MACROD2: variants seen among roughly 807,000 people sequenced by gnomAD.
The protein encoded by MACROD2 is ADP-ribose glycohydrolase MACROD2.
Under a neutral mutation model 70.4 loss-of-function variants are expected in MACROD2, and 36 were observed. The ratio of observed to expected loss-of-function variants is 0.51; its 90% CI spans 0.39 to 0.68. MACROD2 has a LOEUF of 0.68. Ranked by LOEUF, MACROD2 falls within the 30% of genes least tolerant of loss-of-function variation. MACROD2 has a pLI of 0.00. For missense variants in MACROD2, 496 were observed against 538.4 expected (o/e 0.92, Z 0.78); for synonymous variants, 172 against 178.8 (o/e 0.96, Z 0.30).
intron 6 of MACROD2, among the ~76,000 whole-genome samples, chr20:15,415,985 G>A (rs2046142613): frequency 6.6e-6 from 1 of 152,178 alleles, no homozygotes; most frequent in African/African-American, 2.4e-5. Context: ...GCCCGCTAGA[G>A]CATTTATTTA....
intron 5 of MACROD2, among the ~76,000 whole-genome samples, chr20:15,223,270 C>T (rs1016192675): frequency 6.6e-6 from 1 of 152,156 alleles, no homozygotes; most frequent in African/African-American, 2.4e-5. Context: ...TTGCTGTTTT[C>T]GTGGCTTTCC....
chr20:15,843,195 C>T (rs1357836453), intron 8 of MACROD2, among the ~76,000 whole-genome samples: 2 of 152,096 alleles, frequency 1.3e-5, no homozygotes, highest in African/African-American at 4.8e-5. Context: ...GCCAAGTGGC[C>T]TTGTTATTAT....
chr20:15,706,991 T>C (rs1254066339), intron 8 of MACROD2, among the ~76,000 whole-genome samples: 2 of 152,188 alleles, frequency 1.3e-5, no homozygotes, highest in Non-Finnish European at 2.9e-5. Flanking sequence ...TCTGGATAAA[T>C]ATTTCTTTGT....
chr20:15,995,623 T>TTGGG (rs1383881254), intron 15 of MACROD2, among the ~76,000 whole-genome samples: 4 of 146,676 alleles, frequency 2.7e-5, no homozygotes, highest in African/African-American at 1.0e-4. Flanking sequence ...GTGCTGGGAT[T>TTGGG]ACAGGCATGA....
intron 8 of MACROD2, among the ~76,000 whole-genome samples, chr20:15,520,584 CA>C (rs1189712681): frequency 6.6e-6 from 1 of 152,174 alleles, no homozygotes; most frequent in African/African-American, 2.4e-5. Context: ...CCTCTAGTAA[CA>C]AAGACCCCCA....
chr20:14,548,723 A>G (rs1407425471), intron 4 of MACROD2, among the ~76,000 whole-genome samples: 3 of 148,386 alleles, frequency 2.0e-5, no homozygotes, highest in African/African-American at 4.9e-5. Context: ...GTCTCAAAAA[A>G]AAAAAAAAAA....
At chr20:15,830,570 A>C (rs890591057) in intron 8 of MACROD2, among the ~76,000 whole-genome samples, 1 of 152,230 alleles carries the variant, frequency 6.6e-6, no homozygotes, top group Non-Finnish European at 1.5e-5. Context: ...GAAGTACCCA[A>C]AACTATGAAT....
chr20:15,721,003 G>T (rs187923601), intron 8 of MACROD2, among the ~76,000 whole-genome samples: 49 of 152,120 alleles, frequency 3.2e-4, no homozygotes, highest in Middle Eastern at 6.8e-3. Flanking sequence ...GATATTGGGG[G>T]GTTAATTAAT....
intron 4 of MACROD2, among the ~76,000 whole-genome samples, chr20:14,503,923 C>T (rs1221651379): frequency 6.6e-6 from 1 of 152,194 alleles, no homozygotes; most frequent in Non-Finnish European, 1.5e-5. Flanking sequence ...AATAATTCTA[C>T]ATCTCCATTA....
chr20:14,575,017 C>CAAAAAAAAAAAAAA (rs1195216470), intron 4 of MACROD2, among the ~76,000 whole-genome samples: 11 of 49,946 alleles, frequency 2.2e-4, no homozygotes, highest in African/African-American at 7.3e-4. Context: ...GACTCTGTCT[C>CAAAAAAAAAAAAAA]AAAAAAAAAA....
intron 4 of MACROD2, chr20:14,547,135 C>T: frequency 5.3e-6 from 1 of 188,130 alleles, no homozygotes; most frequent in Non-Finnish European, 1.1e-5. Flanking sequence ...GACAAACAAT[C>T]AAAACCACCA....
chr20:14,805,810 A>C (rs1342276564), intron 5 of MACROD2, among the ~76,000 whole-genome samples: 3 of 152,030 alleles, frequency 2.0e-5, no homozygotes, highest in Non-Finnish European at 2.9e-5. Flanking sequence ...TAGCTAGAAA[A>C]AAGTGAACCC....
At chr20:14,588,479 T>C (rs1981536041) in intron 4 of MACROD2, among the ~76,000 whole-genome samples, 1 of 152,196 alleles carries the variant, frequency 6.6e-6, no homozygotes, top group African/African-American at 2.4e-5. Context: ...TATTTAGTTC[T>C]TTTCTGGCTT....
chr20:14,416,255 C>A (rs192953534), intron 3 of MACROD2, among the ~76,000 whole-genome samples: 1 of 152,286 alleles, frequency 6.6e-6, no homozygotes, highest in Non-Finnish European at 1.5e-5. Context: ...CCGCACCCAT[C>A]CTCTGTTGGC....
intron 5 of MACROD2, among the ~76,000 whole-genome samples, chr20:14,748,259 C>T (rs140502650): frequency 5.4e-4 from 82 of 152,204 alleles, no homozygotes; most frequent in African/African-American, 1.7e-3. Context: ...TAGAAGCACA[C>T]TCAAAGCATA....
chr20:15,484,919 C>T (rs914791354), intron 7 of MACROD2, among the ~76,000 whole-genome samples: 1 of 152,186 alleles, frequency 6.6e-6, no homozygotes, highest in African/African-American at 2.4e-5. Flanking sequence ...TCTCTGTACC[C>T]ACCTGTCTGT....
At chr20:15,924,860 C>T (rs1601144233) in intron 10 of MACROD2, among the ~76,000 whole-genome samples, 1 of 152,132 alleles carries the variant, frequency 6.6e-6, no homozygotes, top group East Asian at 1.9e-4. Flanking sequence ...ACAGTGTGTG[C>T]CTGTTTTAAA....
At chr20:15,326,686 A>G (rs2077933570) in intron 6 of MACROD2, among the ~76,000 whole-genome samples, 1 of 152,160 alleles carries the variant, frequency 6.6e-6, no homozygotes, top group African/African-American at 2.4e-5. Flanking sequence ...GCTCTAAGAA[A>G]AAAAGCAAGA....
At chr20:14,554,299 G>A (rs1348183588) in intron 4 of MACROD2, 1 of 152,082 alleles carries the variant, frequency 6.6e-6, no homozygotes, top group Non-Finnish European at 1.5e-5. Context: ...CTTTGACTCT[G>A]AAGGGCGTGG....
Sources: allele counts gnomAD v4.1 joint callset (sites outside exome capture counted in the v4.1 genomes callset), GRCh38; gene constraint gnomAD v4.1.1; transcripts MANE v1.5; gene names NCBI Gene and HGNC (gene_info 2026-07-23, HGNC 2026-07-21).